Variants in SLC6A5 observed in about 807,000 individuals in gnomAD.
The protein encoded by SLC6A5 is sodium- and chloride-dependent glycine transporter 2.
SLC6A5 carries 58 observed loss-of-function variants against 90.5 expected under a neutral mutation model. The observed-to-expected ratio is 0.64, with a 90% CI of 0.52 to 0.80. The LOEUF (loss-of-function observed/expected upper bound fraction) is 0.80, where lower values mean the gene tolerates loss of function less well. Among genes scored for constraint, SLC6A5 ranks in the 30% least tolerant of loss-of-function variants. The pLI, the probability that SLC6A5 is intolerant of heterozygous loss-of-function variation, is 0.00. For synonymous variants in SLC6A5, 427 were observed against 401.4 expected, an observed-to-expected ratio of 1.06 and a Z score of -0.76; for missense variants, 1,015 against 1,017.6, an observed-to-expected ratio of 1.00 and a Z score of 0.03.
chr11:20,650,695 C>G (rs1288540742), intron 14 of SLC6A5, among the ~76,000 whole-genome samples: 2 of 124,656 alleles, frequency 1.6e-5, no homozygotes, highest in Non-Finnish European at 3.1e-5. Flanking sequence ...GAGATGGAGT[C>G]TCGCTCTGTC....
chr11:20,637,142 T>G lies in SLC6A5; in HGVS notation c.1738-30T>G, dbSNP rs751436774. ...TACCTCCTGGGTGGTACAATTTGAC[T>G]CAGATGTTCATTTCCTGACACGGTT... On this transcript the variant is annotated intron_variant, in intron 11 of 15. Transcript: ENST00000525748. The G allele has an allele frequency of 6.8e-6, 11 of 1,612,940 alleles. No individual in the cohort carries two copies. In the South Asian group the frequency reaches 1.1e-4, roughly 16 times the overall value.
At chr11:20,622,935 C>T (rs937552112) in intron 7 of SLC6A5, among the ~76,000 whole-genome samples, 8 of 152,200 alleles carry the variant, frequency 5.3e-5, no homozygotes, top group Non-Finnish European at 5.9e-5. Flanking sequence ...ATCTTCCCAG[C>T]CCCACCTGAC....
intron 5 of SLC6A5, among the ~76,000 whole-genome samples, chr11:20,613,223 T>C (rs1852725693): frequency 6.6e-6 from 1 of 152,176 alleles, no homozygotes; most frequent in African/African-American, 2.4e-5. Flanking sequence ...TAACAGTACC[T>C]TCTCATAGGG....
At chr11:20,620,157 G>A (rs1852862768) in intron 7 of SLC6A5, among the ~76,000 whole-genome samples, 1 of 152,154 alleles carries the variant, frequency 6.6e-6, no homozygotes, top group Non-Finnish European at 1.5e-5. Context: ...CCTCAACCAT[G>A]ATGTGAGTGG....
intron 13 of SLC6A5, among the ~76,000 whole-genome samples, chr11:20,644,635 C>T (rs189406994): frequency 1.2e-4 from 19 of 152,256 alleles, no homozygotes; most frequent in African/African-American, 4.3e-4. Context: ...AGAGGAACAT[C>T]CATAATGTTT....
chr11:20,650,913 G>A (rs1232608026), intron 14 of SLC6A5, among the ~76,000 whole-genome samples: 1 of 151,380 alleles, frequency 6.6e-6, no homozygotes, highest in African/African-American at 2.4e-5. Flanking sequence ...TGATCCGCCC[G>A]CCTCGGCCTC....
At chr11:20,645,184 T>G (rs974862578) in intron 13 of SLC6A5, among the ~76,000 whole-genome samples, 11 of 152,114 alleles carry the variant, frequency 7.2e-5, no homozygotes, top group Non-Finnish European at 1.3e-4. Context: ...AGTCTCTGCT[T>G]TCTAGCCCAG....
At chr11:20,646,543 G>A (rs113823021) in intron 13 of SLC6A5, among the ~76,000 whole-genome samples, 30 of 152,218 alleles carry the variant, frequency 2.0e-4, no homozygotes, top group African/African-American at 7.2e-4. Context: ...GCAATGCTGA[G>A]AGTCTGGGCC....
chr11:20,600,603 G>A (rs779852678), intron 1 of SLC6A5, among the ~76,000 whole-genome samples: 11 of 152,186 alleles, frequency 7.2e-5, no homozygotes, highest in Non-Finnish European at 5.9e-5. Flanking sequence ...CTGGCGGGAG[G>A]AGGTGGGTTG....
intron 2 of SLC6A5, among the ~76,000 whole-genome samples, chr11:20,603,548 A>G (rs1429255090): frequency 6.6e-6 from 1 of 152,112 alleles, no homozygotes; most frequent in Non-Finnish European, 1.5e-5. Flanking sequence ...CAAAATTTAG[A>G]CCAGAACTCA....
chr11:20,654,002 T>C (rs1198862609), intron 15 of SLC6A5, among the ~76,000 whole-genome samples: 1 of 152,232 alleles, frequency 6.6e-6, no homozygotes, highest in Non-Finnish European at 1.5e-5. Context: ...TTGTTCCCTC[T>C]TAGTCAGAAA....
intron 1 of SLC6A5, among the ~76,000 whole-genome samples, chr11:20,600,790 A>C (rs1852455422): frequency 6.6e-6 from 1 of 152,210 alleles, no homozygotes; most frequent in Non-Finnish European, 1.5e-5. Flanking sequence ...GCGGGCACCC[A>C]CAGCTGTGAT....
At chr11:20,607,238 T>C in intron 4 of SLC6A5, 100 bp downstream of exon 4, 1 of 1,445,354 alleles carries the variant, frequency 6.9e-7, no homozygotes, top group Admixed American at 2.0e-5. Context: ...TTGTGGTTAA[T>C]AGAACTAACT....
chr11:20,637,102 C>G, intron 11 of SLC6A5, 70 bp from the exon 12 acceptor site: 3 of 1,524,750 alleles, frequency 2.0e-6, no homozygotes, highest in Non-Finnish European at 2.7e-6. Flanking sequence ...ATGGGACATA[C>G]AAAGGGCTTG....
In SLC6A5 at chr11:20,652,399, C is replaced by A; in HGVS notation, c.2181C>A (p.Ile727=). The A allele has an allele frequency of 6.2e-7, 1 of 1,614,120 alleles. No homozygotes were observed. Among genetic ancestry groups the A allele is most frequent in the East Asian group, 2.2e-5 (1 of 44,876 alleles). The part of the protein sequence containing the change: ...LGWLMLACSV[I]WIPIMFVIKM... ...GGCTAATGCTCGCCTGTTCCGTCAT[C>A]TGGATCCCAATTATGTTTGTGATAA... is the stretch of plus-strand genomic sequence containing the variant. Residue 727 remains isoleucine, a synonymous_variant, in exon 15 of 16, where the codon ATC becomes ATA. Coordinates refer to ENST00000525748, the MANE Select transcript of SLC6A5 (RefSeq NM_004211.5).
chr11:20,644,571 A>G (rs1170147594), intron 13 of SLC6A5, among the ~76,000 whole-genome samples: 1 of 152,248 alleles, frequency 6.6e-6, no homozygotes, highest in Non-Finnish European at 1.5e-5. Flanking sequence ...TCCTTTGGAT[A>G]TACACCCAGT....
At chr11:20,640,291 G>A (rs748942491) in intron 13 of SLC6A5, among the ~76,000 whole-genome samples, 5 of 152,170 alleles carry the variant, frequency 3.3e-5, no homozygotes, top group African/African-American at 7.2e-5. Context: ...CAAAGGGCAC[G>A]TTTGCACAGT....
At chr11:20,645,787 C>T (rs981650477) in intron 13 of SLC6A5, among the ~76,000 whole-genome samples, 3 of 151,958 alleles carry the variant, frequency 2.0e-5, no homozygotes, top group South Asian at 2.1e-4. Context: ...TCTAGGCGCC[C>T]GCCACGATGC....
intron 1 of SLC6A5, among the ~76,000 whole-genome samples, chr11:20,600,338 A>AGAAGAG (rs1471724120): frequency 3.1e-3 from 87 of 28,344 alleles, no homozygotes; most frequent in Middle Eastern, 0.028. Context: ...AAGAAGAGGA[A>AGAAGAG]GAAGAAGAAG....
Sources: allele counts gnomAD v4.1 joint callset (sites outside exome capture counted in the v4.1 genomes callset), GRCh38; gene constraint gnomAD v4.1.1; transcripts MANE v1.5; gene names NCBI Gene and HGNC (gene_info 2026-07-23, HGNC 2026-07-21).